MTUS2: variants seen among roughly 807,000 people sequenced by gnomAD.
MTUS2 encodes microtubule-associated tumor suppressor candidate 2.
In MTUS2, 40 loss-of-function variants were observed where a neutral mutation model predicts 114.1. The observed-to-expected ratio is 0.35, with a 90% CI of 0.27 to 0.46. MTUS2 has a LOEUF of 0.46. MTUS2 is among the 20% of genes least tolerant of loss of function. MTUS2 has a pLI of 1.00. For missense variants in MTUS2, 1,679 were observed against 1,705.4 expected, an observed-to-expected ratio of 0.98 and a Z score of 0.27; for synonymous variants, 688 against 672.0, an observed-to-expected ratio of 1.02 and a Z score of -0.37.
At chr13:29,094,763 C>A (rs577793866) in intron 4 of MTUS2, among the ~76,000 whole-genome samples, 74 of 151,944 alleles carry the variant, frequency 4.9e-4, no homozygotes, top group Non-Finnish European at 5.9e-4. Context: ...GTTTTAAAGT[C>A]AAAAATTACT....
intron 7 of MTUS2, among the ~76,000 whole-genome samples, chr13:29,358,546 C>T (rs756732836): frequency 3.9e-5 from 6 of 152,152 alleles, no homozygotes; most frequent in African/African-American, 7.2e-5. Flanking sequence ...CAAGTGATGA[C>T]GTGCCTCACG....
At chr13:29,250,246 C>A (rs960577135) in intron 5 of MTUS2, among the ~76,000 whole-genome samples, 1 of 152,050 alleles carries the variant, frequency 6.6e-6, no homozygotes, top group Non-Finnish European at 1.5e-5. Flanking sequence ...CATTGGCTCT[C>A]GTCTTTCTGC....
intron 4 of MTUS2, among the ~76,000 whole-genome samples, chr13:29,045,822 A>G (rs1169618367): frequency 6.6e-6 from 1 of 152,182 alleles, no homozygotes; most frequent in East Asian, 1.9e-4. Context: ...TGGGTGGCTC[A>G]TTTAAGGAGG....
rs142703054 is a variant in MTUS2, at chr13:29,439,108, G to A, written c.3118-875G>A. Among the ~76,000 whole-genome samples, 17 of 152,310 alleles carry A rather than the reference G, an allele frequency of 1.1e-4. No homozygotes were observed. The East Asian group carries it at 3.1e-3, about 28-fold the overall frequency. On this transcript the variant is annotated intron_variant, in intron 8 of 15. Transcript: ENST00000612955. ...CCCTCCCCGGAAATCACTTTGCTTC[G>A]AGAGTCCATGCTACAGAATGACAGA...
At chr13:29,348,961 C>T (rs1390376148) in intron 7 of MTUS2, among the ~76,000 whole-genome samples, 2 of 152,070 alleles carry the variant, frequency 1.3e-5, no homozygotes, top group Non-Finnish European at 1.5e-5. Flanking sequence ...TCTTATAGGC[C>T]TCATGTAATT....
chr13:28,935,016 T>G (rs1042352578), intron 2 of MTUS2, among the ~76,000 whole-genome samples: 3 of 144,922 alleles, frequency 2.1e-5, no homozygotes, highest in Non-Finnish European at 4.5e-5. Context: ...GTTTTTTTTT[T>G]TTTTTTTTTT....
At chr13:28,979,266 T>C (rs924546477) in intron 2 of MTUS2, among the ~76,000 whole-genome samples, 5 of 152,210 alleles carry the variant, frequency 3.3e-5, no homozygotes, top group Admixed American at 2.0e-4. Context: ...CAAATTGTTA[T>C]TGATTTCTAT....
intron 5 of MTUS2, among the ~76,000 whole-genome samples, chr13:29,264,817 T>C (rs369909774): frequency 1.2e-4 from 19 of 152,200 alleles, no homozygotes; most frequent in African/African-American, 4.6e-4. Flanking sequence ...ACAAAACCAT[T>C]CTTCCCGCCT....
chr13:29,255,340 T>C (rs138343094), intron 5 of MTUS2, among the ~76,000 whole-genome samples: 1 of 152,322 alleles, frequency 6.6e-6, no homozygotes, highest in African/African-American at 2.4e-5. Context: ...GAGTTTCCAC[T>C]GGGATTTTTT....
At chr13:29,039,165 C>T (rs373810889) in intron 4 of MTUS2, among the ~76,000 whole-genome samples, 5 of 152,308 alleles carry the variant, frequency 3.3e-5, no homozygotes, top group East Asian at 3.9e-4. Context: ...GAGCGGAGGA[C>T]GGGCCTGGAC....
intron 5 of MTUS2, among the ~76,000 whole-genome samples, chr13:29,169,020 G>A (rs906932331): frequency 6.6e-6 from 1 of 152,074 alleles, no homozygotes; most frequent in African/African-American, 2.4e-5. Context: ...CCACCAATGA[G>A]ATGACTTTTC....
intron 2 of MTUS2, among the ~76,000 whole-genome samples, chr13:28,944,028 G>A (rs559193926): frequency 5.7e-4 from 87 of 151,868 alleles, no homozygotes; most frequent in African/African-American, 2.1e-3. Context: ...AGATTTTTAC[G>A]TAGGCAAGTC....
intron 5 of MTUS2, among the ~76,000 whole-genome samples, chr13:29,191,442 C>T (rs912132228): frequency 6.6e-6 from 1 of 152,270 alleles, no homozygotes; most frequent in East Asian, 1.9e-4. Context: ...GCTTGTCTCC[C>T]TGGGCTCCAC....
intron 14 of MTUS2, among the ~76,000 whole-genome samples, chr13:29,499,839 C>T (rs1882771697): frequency 1.3e-5 from 2 of 152,264 alleles, no homozygotes; most frequent in Non-Finnish European, 2.9e-5. Context: ...ACATCTCTTG[C>T]TGCACGGGTG....
chr13:29,011,035 T>C (rs1239963698), intron 2 of MTUS2, among the ~76,000 whole-genome samples: 2 of 152,188 alleles, frequency 1.3e-5, no homozygotes, highest in East Asian at 3.9e-4. Flanking sequence ...TATGCATACA[T>C]GTTGTACATG....
chr13:29,448,053 C>T (rs971248069), intron 9 of MTUS2, among the ~76,000 whole-genome samples: 1 of 152,140 alleles, frequency 6.6e-6, no homozygotes, highest in Non-Finnish European at 1.5e-5. Flanking sequence ...GTTTTGTTTA[C>T]TGCCATCAGG....
chr13:29,433,868 G>C (rs929605308), intron 8 of MTUS2, among the ~76,000 whole-genome samples: 1 of 152,162 alleles, frequency 6.6e-6, no homozygotes, highest in African/African-American at 2.4e-5. Context: ...GTGTGCATGT[G>C]TGCCACATTT....
chr13:28,865,728 A>G (rs999073613), intron 2 of MTUS2, among the ~76,000 whole-genome samples: 8 of 152,148 alleles, frequency 5.3e-5, no homozygotes, highest in African/African-American at 1.9e-4. Flanking sequence ...AAATTAGCCC[A>G]TTGATTGAAC....
At chr13:29,077,151 A>T (rs2138713154) in intron 4 of MTUS2, among the ~76,000 whole-genome samples, 1 of 152,228 alleles carries the variant, frequency 6.6e-6, no homozygotes, top group East Asian at 1.9e-4. Flanking sequence ...TGCTTTGTTT[A>T]ATTGTGTCTT....
Sources: allele counts gnomAD v4.1 joint callset (sites outside exome capture counted in the v4.1 genomes callset), GRCh38; gene constraint gnomAD v4.1.1; transcripts MANE v1.5; gene names NCBI Gene and HGNC (gene_info 2026-07-23, HGNC 2026-07-21).